Variants in ANKS1B observed in about 807,000 individuals in gnomAD.
ANKS1B encodes ankyrin repeat and sterile alpha motif domain-containing protein 1B.
ANKS1B carries 36 observed loss-of-function variants against 148.3 expected under a neutral mutation model. The observed-to-expected ratio is 0.24, with a 90% CI of 0.19 to 0.32. The LOEUF is 0.32. ANKS1B is among the 10% of genes least tolerant of loss of function. The probability of loss-of-function intolerance (pLI) is 1.00; values close to 1 mark genes in which losing one functional copy is unlikely to be tolerated. For synonymous variants in ANKS1B, 542 were observed against 560.8 expected, an observed-to-expected ratio of 0.97 and a Z score of 0.47; for missense variants, 1,157 against 1,542.6, an observed-to-expected ratio of 0.75 and a Z score of 4.19.
intron 1 of ANKS1B, among the ~76,000 whole-genome samples, chr12:99,954,209 T>C (rs532239183): frequency 4.6e-5 from 7 of 152,314 alleles, no homozygotes; most frequent in Non-Finnish European, 1.0e-4. Context: ...TCAAAAGGAC[T>C]TCCTTTTGTA....
intron 10 of ANKS1B, among the ~76,000 whole-genome samples, chr12:99,468,576 C>G (rs1219491860): frequency 6.6e-6 from 1 of 152,154 alleles, no homozygotes; most frequent in East Asian, 1.9e-4. Context: ...CTACAATGAA[C>G]TCAAACAAAT....
intron 24 of ANKS1B, among the ~76,000 whole-genome samples, chr12:98,778,056 G>A (rs976270357): frequency 2.0e-5 from 3 of 152,246 alleles, no homozygotes; most frequent in African/African-American, 7.2e-5. Flanking sequence ...TGAGCCAAGG[G>A]ACTGAGGCCT....
intron 8 of ANKS1B, among the ~76,000 whole-genome samples, chr12:99,721,046 C>T (rs947884511): frequency 7.2e-5 from 11 of 152,124 alleles, no homozygotes; most frequent in African/African-American, 1.7e-4. Flanking sequence ...TCTCTTATTC[C>T]GTTCAGTTTT....
At chr12:99,640,248 ACT>A (rs1301409054) in intron 9 of ANKS1B, among the ~76,000 whole-genome samples, 4 of 152,070 alleles carry the variant, frequency 2.6e-5, no homozygotes, top group Non-Finnish European at 4.4e-5. Flanking sequence ...TTCATCCCAC[ACT>A]GTCTTCAGCT....
intron 17 of ANKS1B, among the ~76,000 whole-genome samples, chr12:98,938,412 T>C (rs1278017180): frequency 6.6e-6 from 1 of 152,170 alleles, no homozygotes; most frequent in African/African-American, 2.4e-5. Flanking sequence ...GCTCTGCTCA[T>C]AGGGGTTTTG....
intron 9 of ANKS1B, among the ~76,000 whole-genome samples, chr12:99,590,278 A>C (rs2097689417): frequency 6.8e-6 from 1 of 147,842 alleles, no homozygotes; most frequent in Non-Finnish European, 1.5e-5. Flanking sequence ...ACACACACAC[A>C]CACACACACA....
intron 17 of ANKS1B, among the ~76,000 whole-genome samples, chr12:98,845,574 A>G (rs1168353338): frequency 6.6e-6 from 1 of 152,206 alleles, no homozygotes; most frequent in Non-Finnish European, 1.5e-5. Context: ...TAGTGCAGAA[A>G]TGATTCTGTT....
chr12:99,359,827 T>C (rs1344314464), intron 12 of ANKS1B, among the ~76,000 whole-genome samples: 1 of 152,192 alleles, frequency 6.6e-6, no homozygotes, highest in African/African-American at 2.4e-5. Flanking sequence ...CCACGTTTAA[T>C]TATTTCTGTT....
rs2076798618 is a variant in ANKS1B at position 99,162,801 on chromosome 12, C to T, written c.2420-8406G>A. On this transcript the variant is annotated intron_variant, in intron 14 of 26. Transcript: ENST00000683438. The stretch of plus-strand genomic sequence containing the variant: ...TACTGGCCGGGCGTGGTGGCTCACG[C>T]CTAATCTCAGCACTCTGGGAGGCCG... 2.0e-5 allele frequency among the ~76,000 whole-genome samples: 3 copies of T among 152,272 alleles called. No individual in the cohort carries two copies. The South Asian group carries it at 6.2e-4, about 32-fold the overall frequency.
At chr12:99,791,963 G>A (rs1001601089) in intron 4 of ANKS1B, among the ~76,000 whole-genome samples, 1 of 151,460 alleles carries the variant, frequency 6.6e-6, no homozygotes, top group Admixed American at 6.6e-5. Context: ...AACAAAACAA[G>A]AAGTTGTTTT....
chr12:99,892,420 A>G (rs988604191), intron 1 of ANKS1B, among the ~76,000 whole-genome samples: 3 of 152,220 alleles, frequency 2.0e-5, no homozygotes, highest in Non-Finnish European at 4.4e-5. Context: ...CATAAGCAAC[A>G]AGAAGAAAAG....
intron 19 of ANKS1B, among the ~76,000 whole-genome samples, chr12:98,819,156 T>C (rs36121812): frequency 0.097 from 14,762 of 152,284 alleles, 796 homozygotes; most frequent in Non-Finnish European, 0.12. Context: ...AAGGTCTTGA[T>C]AGACTAGGAT....
chr12:99,009,845 A>AC (rs1169654258), intron 17 of ANKS1B, among the ~76,000 whole-genome samples: 1 of 88,796 alleles, frequency 1.1e-5, no homozygotes, highest in Non-Finnish European at 2.3e-5. Flanking sequence ...TCTATGCAAA[A>AC]AAAAAAAAAC....
intron 9 of ANKS1B, among the ~76,000 whole-genome samples, chr12:99,638,676 A>C (rs189472682): frequency 5.1e-4 from 77 of 152,340 alleles, no homozygotes; most frequent in Non-Finnish European, 8.2e-4. Flanking sequence ...AGAAATTCAC[A>C]TAAGTCACAA....
intron 10 of ANKS1B, among the ~76,000 whole-genome samples, chr12:99,501,776 G>A (rs1434256966): frequency 2.0e-5 from 3 of 152,086 alleles, no homozygotes; most frequent in Non-Finnish European, 4.4e-5. Flanking sequence ...GCTCCCCCAG[G>A]ACAAATGTGA....
intron 14 of ANKS1B, among the ~76,000 whole-genome samples, chr12:99,240,620 A>T (rs1341480992): frequency 6.6e-6 from 1 of 152,136 alleles, no homozygotes; most frequent in East Asian, 1.9e-4. Flanking sequence ...CATCCCACTT[A>T]TTCTAAAATT....
At chr12:99,253,912 A>G (rs1304795802) in intron 12 of ANKS1B, among the ~76,000 whole-genome samples, 1 of 152,204 alleles carries the variant, frequency 6.6e-6, no homozygotes, top group East Asian at 1.9e-4. Flanking sequence ...AAGATGTACA[A>G]CCTAAATCTA....
chr12:99,876,833 T>C (rs2092113156), intron 1 of ANKS1B, among the ~76,000 whole-genome samples: 1 of 152,188 alleles, frequency 6.6e-6, no homozygotes, highest in Non-Finnish European at 1.5e-5. Context: ...ACTTCTGAGC[T>C]TTTTTTCTTA....
intron 12 of ANKS1B, among the ~76,000 whole-genome samples, chr12:99,361,085 C>A (rs1307982181): frequency 1.3e-5 from 2 of 151,920 alleles, no homozygotes; most frequent in Non-Finnish European, 2.9e-5. Flanking sequence ...CAGTCAACAA[C>A]AACTTAATTG....
Sources: allele counts gnomAD v4.1 joint callset (sites outside exome capture counted in the v4.1 genomes callset), GRCh38; gene constraint gnomAD v4.1.1; transcripts MANE v1.5; gene names NCBI Gene and HGNC (gene_info 2026-07-23, HGNC 2026-07-21).